Variants in RBFOX2 observed in about 807,000 individuals in gnomAD.
RBFOX2 encodes the protein RNA binding protein fox-1 homolog 2.
Under a neutral mutation model 49.1 loss-of-function variants are expected in RBFOX2, and 10 were observed. That is an observed-to-expected ratio of 0.20 (90% CI 0.13 to 0.35). The LOEUF (loss-of-function observed/expected upper bound fraction) is 0.35. RBFOX2 is among the 10% of genes least tolerant of loss of function. The probability of loss-of-function intolerance (pLI) is 1.00; values close to 1 mark genes in which losing one functional copy is unlikely to be tolerated. For synonymous variants in RBFOX2, 183 were observed against 187.4 expected (o/e 0.98, Z 0.19); for missense variants, 323 against 486.9 (o/e 0.66, Z 3.17).
chr22:35,811,094 G>A (rs572243149), intron 1 of RBFOX2, among the ~76,000 whole-genome samples: 1 of 151,806 alleles, frequency 6.6e-6, no homozygotes, highest in Non-Finnish European at 1.5e-5. Flanking sequence ...CAATGTCCAA[G>A]AATCATTTCT....
intron 1 of RBFOX2, among the ~76,000 whole-genome samples, chr22:35,955,488 G>A (rs1437883268): frequency 2.0e-5 from 3 of 151,278 alleles, no homozygotes; most frequent in African/African-American, 4.9e-5. Context: ...TAATAGAACA[G>A]TGGTCCCCAA....
intron 1 of RBFOX2, among the ~76,000 whole-genome samples, chr22:35,979,481 A>G (rs190220832): frequency 2.0e-5 from 3 of 152,318 alleles, no homozygotes; most frequent in Middle Eastern, 3.4e-3. Context: ...GAGTGAAGGA[A>G]TATCACATCT....
intron 1 of RBFOX2, among the ~76,000 whole-genome samples, chr22:35,826,620 T>G (rs1430877642): frequency 3.3e-5 from 5 of 152,084 alleles, no homozygotes; most frequent in African/African-American, 1.2e-4. Context: ...AAATGCCCCC[T>G]GGTTCCTCAG....
intron 1 of RBFOX2, among the ~76,000 whole-genome samples, chr22:35,893,055 T>C (rs1353014279): frequency 6.6e-6 from 1 of 152,180 alleles, no homozygotes; most frequent in African/African-American, 2.4e-5. Flanking sequence ...ATGACACAAA[T>C]AATAAAAGAG....
At chr22:35,761,111 G>A in intron 8 of RBFOX2, 91 bp downstream of exon 9, 1 of 1,103,014 alleles carries the variant, frequency 9.1e-7, no homozygotes, top group Non-Finnish European at 1.3e-6. Flanking sequence ...TTCCATTTCA[G>A]TTATGTACTG....
At chr22:35,826,558 T>C (rs190676741) in intron 1 of RBFOX2, among the ~76,000 whole-genome samples, 96 of 152,170 alleles carry the variant, frequency 6.3e-4, no homozygotes, top group Non-Finnish European at 9.0e-4. Context: ...ATATAAGAGA[T>C]AGGCTAAGTA....
At chr22:36,010,760 CACACACACACACACACACGT>C (rs1200930515) in intron 1 of RBFOX2, among the ~76,000 whole-genome samples, 1 of 151,744 alleles carries the variant, frequency 6.6e-6, no homozygotes, top group Non-Finnish European at 1.5e-5. Context: ...CACACACACA[CACACACACACACACACACGT>C]GTGTTTATAT....
At chr22:35,901,888 C>G (rs919131349) in intron 1 of RBFOX2, among the ~76,000 whole-genome samples, 25 of 152,120 alleles carry the variant, frequency 1.6e-4, no homozygotes, top group African/African-American at 5.1e-4. Context: ...TCAAGACCAG[C>G]CTGGCCAACA....
At chr22:35,941,975 T>C (rs2053740554), upstream of RBFOX2, among the ~76,000 whole-genome samples, 1 of 152,210 alleles carries the variant, frequency 6.6e-6, no homozygotes, top group South Asian at 2.1e-4. Context: ...TTTACAGGCA[T>C]GGATCCTATT....
chr22:35,763,932 A>G (rs1939887706), intron 6 of RBFOX2, among the ~76,000 whole-genome samples: 1 of 152,226 alleles, frequency 6.6e-6, no homozygotes, highest in East Asian at 1.9e-4. Flanking sequence ...TCTGAATTCC[A>G]GTCAGAGGCT....
chr22:35,980,139 G>T lies in RBFOX2; in HGVS notation c.187-41242C>A, dbSNP rs1311350317. ...CCTATTAAAAGATAACATTTGAGAT[G>T]TATAAAAAAAATAGACCAAAGGCCA... On this transcript the variant is annotated intron_variant, in intron 1 of 13. Coordinates refer to the RBFOX2 transcript ENST00000438146. Among the ~76,000 whole-genome samples, 3 of 152,016 alleles carry T rather than the reference G, an allele frequency of 2.0e-5. No individual in the cohort carries two copies. In the East Asian group the frequency reaches 5.8e-4, roughly 29 times the overall value.
chr22:35,952,453 C>T (rs566440677), intron 1 of RBFOX2, among the ~76,000 whole-genome samples: 81 of 152,290 alleles, frequency 5.3e-4, no homozygotes, highest in Middle Eastern at 3.4e-3. Flanking sequence ...TGAATAAGGC[C>T]TTTGCCCTCA....
intron 1 of RBFOX2, among the ~76,000 whole-genome samples, chr22:35,966,927 C>T (rs1374046971): frequency 6.6e-6 from 1 of 151,876 alleles, no homozygotes; most frequent in Non-Finnish European, 1.5e-5. Context: ...ATCCTCCTTC[C>T]TCAGACTCTG....
chr22:35,752,736 C>T (rs1935404290), intron 9 of RBFOX2: 2 of 707,320 alleles, frequency 2.8e-6, no homozygotes, highest in South Asian at 6.4e-5. Context: ...CACTAAGGGG[C>T]CCACCAGCCT....
chr22:35,878,039 TACAC>T (rs58181557), intron 1 of RBFOX2, among the ~76,000 whole-genome samples: 4,169 of 141,150 alleles, frequency 0.03, 70 homozygotes, highest in Middle Eastern at 0.048. Context: ...CTACTACTAC[TACAC>T]ACACACACAC....
At chr22:35,739,470 A>G (rs1468552266) in exon 12 of RBFOX2, 3 of 152,598 alleles carry the variant, frequency 2.0e-5, no homozygotes, top group Non-Finnish European at 4.4e-5. Context: ...CAAGAAAAAC[A>G]ATTCATATCC....
At chr22:35,823,101 A>G (rs1350595539) in intron 1 of RBFOX2, among the ~76,000 whole-genome samples, 5 of 152,166 alleles carry the variant, frequency 3.3e-5, no homozygotes, top group Non-Finnish European at 5.9e-5. Context: ...GATTACAGGC[A>G]TGAGCCACCG....
chr22:35,864,135 G>T (rs1226140903), intron 1 of RBFOX2, among the ~76,000 whole-genome samples: 1 of 152,076 alleles, frequency 6.6e-6, no homozygotes, highest in Non-Finnish European at 1.5e-5. Context: ...ATGCATAAAA[G>T]ACCTTTTTAC....
chr22:35,967,744 CAGG>C (rs1404933228), intron 1 of RBFOX2, among the ~76,000 whole-genome samples: 3 of 152,144 alleles, frequency 2.0e-5, no homozygotes, highest in Non-Finnish European at 4.4e-5. Context: ...CAACAAAGAA[CAGG>C]AGGACAAAGG....
Sources: allele counts gnomAD v4.1 joint callset (sites outside exome capture counted in the v4.1 genomes callset), GRCh38; gene constraint gnomAD v4.1.1; transcripts MANE v1.5; gene names NCBI Gene and HGNC (gene_info 2026-07-23, HGNC 2026-07-21).